DNMT3A: variants seen among roughly 807,000 people sequenced by gnomAD.
DNMT3A encodes the protein DNA (cytosine-5)-methyltransferase 3A.
A neutral mutation model predicts 117.6 loss-of-function variants in DNMT3A; 267 were observed. The observed-to-expected ratio is 2.27, with a 90% CI of 2.05 to 2.51. The LOEUF (loss-of-function observed/expected upper bound fraction) is 2.51, where lower values mean the gene tolerates loss of function less well. DNMT3A is among the 30% of genes most tolerant of loss of function. The probability of loss-of-function intolerance (pLI) is 0.00; values close to 1 mark genes in which losing one functional copy is unlikely to be tolerated. For missense variants in DNMT3A, 1,029 were observed against 1,260.2 expected (o/e 0.82, Z 2.78); for synonymous variants, 432 against 474.8 (o/e 0.91, Z 1.17).
chr2:25,235,590 A>C (rs1673261783), intron 22 of DNMT3A, 117 bp downstream of exon 22: 3 of 786,052 alleles, frequency 3.8e-6, no homozygotes, highest in Non-Finnish European at 4.3e-6. Flanking sequence ...GATAAAACCC[A>C]CTGTTCCCAG....
intron 1 of DNMT3A, among the ~76,000 whole-genome samples, chr2:25,320,710 A>G (rs1266644670): frequency 6.6e-6 from 1 of 152,226 alleles, no homozygotes; most frequent in Non-Finnish European, 1.5e-5. Flanking sequence ...TAATAGTTTT[A>G]TCGAAATAAT....
chr2:25,336,631 C>T (rs904614872), intron 1 of DNMT3A, among the ~76,000 whole-genome samples: 1 of 152,046 alleles, frequency 6.6e-6, no homozygotes. Flanking sequence ...TCCCTCCCTG[C>T]TGTCCTCTCT....
chr2:25,247,250 G>A lies in DNMT3A; in HGVS notation c.1015-92C>T, dbSNP rs1282132124. On this transcript the variant is annotated intron_variant, in intron 8 of 22. Transcript: ENST00000321117. This position sits in a 1 kb window ranked among gnomAD's most constrained non-coding sequence, Gnocchi z 5.6. ...AACTGGCAGGGGCTGGGAGCCTCGA[G>A]AGTCAGTCTCAGCCCTGGAGGGGAC... 3 of 1,305,270 alleles carry A rather than the reference G, an allele frequency of 2.3e-6. No homozygotes were observed. The highest frequency in any genetic ancestry group is 2.9e-5 in the African/African-American group (2 of 68,280). The allele number at this position is 1,305,270 out of a possible 1,614,324, so 80.9% of individuals were successfully genotyped here.
At chr2:25,334,356 C>T (rs955246501) in intron 1 of DNMT3A, among the ~76,000 whole-genome samples, 4 of 152,186 alleles carry the variant, frequency 2.6e-5, no homozygotes, top group Non-Finnish European at 5.9e-5. Flanking sequence ...GTTGAACCCA[C>T]GTGCCAAGCA....
intron 1 of DNMT3A, among the ~76,000 whole-genome samples, chr2:25,319,380 G>A (rs2034507758): frequency 6.6e-6 from 1 of 152,020 alleles, no homozygotes; most frequent in Admixed American, 6.6e-5. Flanking sequence ...GAACTCCTGG[G>A]CTCAAGTGAT....
Position 25,298,535 on chromosome 2 carries a change from C to T in DNMT3A, c.177+1604G>A, listed in dbSNP as rs1487549390. On this transcript the variant is annotated intron_variant, in intron 3 of 22. Transcript: ENST00000321117. This position sits in a 1 kb window ranked among gnomAD's most constrained non-coding sequence, Gnocchi z 4.3. ...GGGGGAGTTTGCTTAGCATATTGCA[C>T]GTTGCCAAGCCTCAGGAGAGAGGCA... 1.3e-5 allele frequency among the ~76,000 whole-genome samples: 2 copies of T among 152,146 alleles called. No individual in the cohort carries two copies. The highest frequency in any genetic ancestry group is 2.9e-5 in the Non-Finnish European group (2 of 68,036).
Position 25,252,290 on chromosome 2 carries a change from G to A in DNMT3A, c.640-4038C>T. 1 of 1,205,300 alleles carries A rather than the reference G, an allele frequency of 8.3e-7. No individual in the cohort carries two copies. Among genetic ancestry groups the A allele is most frequent in the South Asian group, 1.5e-5 (1 of 65,004 alleles). The allele number at this position is 1,205,300 out of a possible 1,614,324, so 74.7% of individuals were successfully genotyped here. ...GCTGCCCGTCTTGGGGGAGGGGAAG[G>A]GGGCGATGGGGCTGGGGGCGGAGGG... On this transcript the variant is annotated intron_variant, in intron 6 of 22. Coordinates refer to ENST00000321117, the MANE Select transcript of DNMT3A (RefSeq NM_022552.5). The surrounding 1 kb of genome is among the most constrained non-coding windows in gnomAD (Gnocchi z 5.5).
chr2:25,302,476 G>C (rs370847823), intron 2 of DNMT3A, among the ~76,000 whole-genome samples: 1 of 152,228 alleles, frequency 6.6e-6, no homozygotes, highest in Admixed American at 6.5e-5. Flanking sequence ...GCCCCGTGCC[G>C]TCTGTGGAGG....
chr2:25,329,710 C>G (rs570011439), intron 1 of DNMT3A, among the ~76,000 whole-genome samples: 25 of 149,622 alleles, frequency 1.7e-4, no homozygotes, highest in Non-Finnish European at 2.2e-4. Context: ...CACACACACA[C>G]ACAGACACAC....
At chr2:25,340,517 G>C (rs972110091) in intron 1 of DNMT3A, among the ~76,000 whole-genome samples, 5 of 152,026 alleles carry the variant, frequency 3.3e-5, no homozygotes, top group African/African-American at 1.2e-4. Context: ...CCGCGCCGAA[G>C]GGGAGGGAAG....
At position 25,246,636 on chromosome 2, in the gene DNMT3A, G is replaced by A. The variant is rs764545285; in HGVS notation, c.1263C>T (p.Gly421=). Residue 421 remains glycine, a synonymous_variant, in exon 10 of 23, where the codon GGC becomes GGT. Coordinates refer to ENST00000321117, the MANE Select transcript of DNMT3A (RefSeq NM_022552.5). ...CTCATTTACCTTCTGGTGGCTCCAG[G>A]CCCTTAGGGCCAGAAGGCTGGAAGC... is the stretch of plus-strand genomic sequence containing the variant. ...LGGFQPSGPK[G]LEPPEEEKNP... 5 of 1,612,718 alleles carry A rather than the reference G, an allele frequency of 3.1e-6. No homozygotes were observed. Among genetic ancestry groups the A allele is most frequent in the Non-Finnish European group, 4.2e-6 (5 of 1,179,672 alleles).
rs143204571 is a variant in DNMT3A at position 25,262,513 on chromosome 2, C to T, written c.639+12428G>A. Among the ~76,000 whole-genome samples the T allele has an allele frequency of 1.8e-3, 281 of 152,294 alleles. 1 individual carries two copies. The highest frequency in any genetic ancestry group is 6.4e-3 in the African/African-American group (264 of 41,548). ...ATAATGAACCCTATCCCCAGCCCAG[C>T]TCCCAATACCAGACAAATTTTTCCC... On this transcript the variant is annotated intron_variant, in intron 6 of 22. Coordinates refer to ENST00000321117, the MANE Select transcript of DNMT3A (RefSeq NM_022552.5).
chr2:25,260,865 G>C (rs1027700566), intron 6 of DNMT3A, among the ~76,000 whole-genome samples: 1 of 152,138 alleles, frequency 6.6e-6, no homozygotes, highest in African/African-American at 2.4e-5. Flanking sequence ...ATGGTGGCAC[G>C]TGCCTGTAAT....
rs1673866078 is a variant in DNMT3A, at chr2:25,240,427, C to T, written c.2197G>A (p.Glu733Lys). ...GCATCATGCAGGAGGCGGTAGAACT[C>T]AAAGAAGAGCCGGCCAGTGCCCTCT... is the stretch of plus-strand genomic sequence containing the variant. ...LYEGTGRLFF[E>K]FYRLLHDARP... Residue 733 changes from glutamate (E) to lysine (K), a missense_variant, in exon 19 of 23, where the codon GAG (glutamate) becomes AAG (lysine). Physicochemically the swap from Glu to Lys is moderately conservative, Grantham distance 56. Coordinates refer to ENST00000321117, the MANE Select transcript of DNMT3A (RefSeq NM_022552.5). 6.2e-7 allele frequency: 1 copy of T among 1,611,204 alleles called. No homozygotes were observed. The highest frequency in any genetic ancestry group is 2.2e-5 in the East Asian group (1 of 44,870).
At position 25,306,983 on chromosome 2, in the gene DNMT3A, A is replaced by G. The variant is rs2033811464; in HGVS notation, c.73-6740T>C. On this transcript the variant is annotated intron_variant, in intron 2 of 22. Transcript: ENST00000321117. This position sits in a 1 kb window ranked among gnomAD's most constrained non-coding sequence, Gnocchi z 4.1. ...GCCAGCCCTTGCTTAATAGAGGGGA[A>G]GATCCAGATAAAACTACTTTGTAGC... Among the ~76,000 whole-genome samples, 1 of 148,856 alleles carries G rather than the reference A, an allele frequency of 6.7e-6. No individual in the cohort carries two copies.
intron 2 of DNMT3A, among the ~76,000 whole-genome samples, chr2:25,300,854 G>A (rs1167736669): frequency 8.4e-5 from 12 of 142,360 alleles, no homozygotes; most frequent in African/African-American, 1.8e-4. Context: ...CACATTTTCC[G>A]AACCATAAAA....
intron 6 of DNMT3A, chr2:25,249,799 C>A (rs888225281): frequency 2.0e-6 from 3 of 1,537,500 alleles, no homozygotes; most frequent in Admixed American, 1.7e-5. Flanking sequence ...GGAAACACGG[C>A]CCTCTGACTT....
rs2031959193 is a variant in DNMT3A at position 25,282,518 on chromosome 2, G to A, written c.371C>T (p.Thr124Ile). 6.2e-7 allele frequency: 1 copy of A among 1,613,464 alleles called. No individual in the cohort carries two copies. ...APAEGEGAAE[T>I]LPEASRAVEN... ...CACTGCTCTTGAGGCTTCAGGCAGGGTCTCAGCTGCACCCTCTCCCTCTGC... is the reference window on the plus strand; with the variant it reads ...CACTGCTCTTGAGGCTTCAGGCAGGATCTCAGCTGCACCCTCTCCCTCTGC... Residue 124 changes from threonine (T) to isoleucine (I), a missense_variant, in exon 4 of 23, where the codon ACC (threonine) becomes ATC (isoleucine). Thr to Ile is a moderately conservative substitution (Grantham distance 89). Coordinates refer to ENST00000321117, the MANE Select transcript of DNMT3A (RefSeq NM_022552.5). This position sits in a 1 kb window ranked among gnomAD's most constrained non-coding sequence, Gnocchi z 5.2.
intron 1 of DNMT3A, among the ~76,000 whole-genome samples, chr2:25,318,501 G>C (rs2034468131): frequency 6.6e-6 from 1 of 151,990 alleles, no homozygotes; most frequent in African/African-American, 2.4e-5. Flanking sequence ...GGCCAGGCTG[G>C]TCTTGAACTC....
Sources: allele counts gnomAD v4.1 joint callset (sites outside exome capture counted in the v4.1 genomes callset), GRCh38; gene constraint gnomAD v4.1.1; non-coding constraint Gnocchi (gnomAD v3.1); transcripts MANE v1.5; gene names NCBI Gene and HGNC (gene_info 2026-07-23, HGNC 2026-07-21).